The following PROM1 variants were observed in gnomAD, a reference collection of about 807,000 sequenced individuals.
The protein encoded by PROM1 is prominin 1.
PROM1 carries 105 observed loss-of-function variants against 116.9 expected under a neutral mutation model. The ratio of observed to expected loss-of-function variants is 0.90; its 90% confidence interval spans 0.77 to 1.06. PROM1 has a LOEUF of 1.06. Among genes scored for constraint, PROM1 ranks in the 50% least tolerant of loss-of-function variants. The probability of loss-of-function intolerance (pLI) is 0.00; values close to 1 mark genes in which losing one functional copy is unlikely to be tolerated. For missense variants in PROM1, 1,122 were observed against 1,045.2 expected (o/e 1.07, Z -1.01); for synonymous variants, 393 against 387.0 (o/e 1.02, Z -0.18).
chr4:16,044,142 G>A (rs149527146), intron 2 of PROM1, among the ~76,000 whole-genome samples: 6 of 152,296 alleles, frequency 3.9e-5, no homozygotes, highest in African/African-American at 1.2e-4. Flanking sequence ...TGTGCCTTGT[G>A]CAGGACCCAT....
rs200711388 is a variant in PROM1, at chr4:16,000,441, A to G, written c.1578+55T>C. ...TCTTAAAGTAATGCACAATATATGAAGAAATCCAAGTTTCTGTTCAAGTCC... is the reference window on the plus strand; with the variant it reads ...TCTTAAAGTAATGCACAATATATGAGGAAATCCAAGTTTCTGTTCAAGTCC... On this transcript the variant is annotated intron_variant, in intron 14 of 27. Transcript: ENST00000447510. 2,335 of 1,463,442 alleles carry G rather than the reference A, an allele frequency of 1.6e-3. 5 individuals are homozygous for G. The highest frequency in any genetic ancestry group is 2.1e-3 in the Non-Finnish European group (2,227 of 1,069,052). 90.7% of individuals were successfully genotyped at this position (1,463,442 alleles called of 1,614,324 possible). A position where few individuals can be genotyped will look rare whatever the true frequency, so the allele number is the denominator to read the frequency against.
chr4:16,076,215 G>A, intron 1 of PROM1, 97 bp from the exon 2 acceptor site: 1 of 302,790 alleles, frequency 3.3e-6, no homozygotes, highest in Non-Finnish European at 6.1e-6. Flanking sequence ...TTAGAGCAAG[G>A]CCTCCAGCCT....
At chr4:15,984,232 T>G (rs753014837) in intron 23 of PROM1, 31 bp downstream of exon 23, 2 of 1,479,064 alleles carry the variant, frequency 1.4e-6, no homozygotes, top group African/African-American at 1.4e-5. Context: ...GATGGATTCA[T>G]TGTGTCTTCT....
chr4:16,012,870 C>CAAAAAAAAA (rs71179681), intron 11 of PROM1, among the ~76,000 whole-genome samples: 1 of 84,262 alleles, frequency 1.2e-5, no homozygotes, highest in Non-Finnish European at 2.3e-5. Context: ...GACTCTGTCT[C>CAAAAAAAAA]AAAAAAAAAA....
chr4:16,042,387 T>C (rs562584276), intron 2 of PROM1, among the ~76,000 whole-genome samples: 1 of 152,310 alleles, frequency 6.6e-6, no homozygotes, highest in East Asian at 1.9e-4. Flanking sequence ...AAAAGATTCA[T>C]GCATCATGTC....
chr4:16,013,362 G>T lies in PROM1; in HGVS notation c.1078-24C>A, dbSNP rs1273164986. 5 of 1,543,900 alleles carry T rather than the reference G, an allele frequency of 3.2e-6. No individual in the cohort carries two copies. In the East Asian group the frequency reaches 1.1e-4, roughly 35 times the overall value. On this transcript the variant is annotated intron_variant, in intron 10 of 27. Coordinates refer to ENST00000447510, the MANE Select transcript of PROM1 (RefSeq NM_006017.3). ...CCCTGAAAAATATTTCAAAATAAAAGGATGTACACAGTTAAGTCAAAGACT... is the reference window on the plus strand; with the variant it reads ...CCCTGAAAAATATTTCAAAATAAAATGATGTACACAGTTAAGTCAAAGACT...
At chr4:15,993,098 T>C (rs1037199406) in intron 16 of PROM1, among the ~76,000 whole-genome samples, 1 of 152,204 alleles carries the variant, frequency 6.6e-6, no homozygotes, top group Non-Finnish European at 1.5e-5. Context: ...GTATGGACTA[T>C]TTAGGGAAGA....
Position 16,024,361 on chromosome 4 carries a change from GA to G in PROM1, c.631-4del, listed in dbSNP as rs1039930852. On this transcript the variant is annotated splice_polypyrimidine_tract_variant and splice_region_variant and intron_variant, in intron 6 of 27. Coordinates refer to ENST00000447510, the MANE Select transcript of PROM1 (RefSeq NM_006017.3). ...TGGGCCAATATATATTTGATTTGCT[GA>G]AAAAAGAACATTCTGTGAAACCTCC... The G allele has an allele frequency of 8.7e-6, 14 of 1,608,548 alleles. 1 individual carries two copies. The East Asian group carries it at 1.6e-4, about 18-fold the overall frequency.
At chr4:16,040,489 G>A (rs1734970348) in intron 2 of PROM1, among the ~76,000 whole-genome samples, 1 of 152,216 alleles carries the variant, frequency 6.6e-6, no homozygotes, top group African/African-American at 2.4e-5. Flanking sequence ...GAATGAAAGA[G>A]TCTACTGTTG....
At chr4:16,056,825 T>C (rs976816243) in intron 2 of PROM1, among the ~76,000 whole-genome samples, 15 of 152,218 alleles carry the variant, frequency 9.9e-5, no homozygotes, top group Admixed American at 9.2e-4. Flanking sequence ...TGCAAGCTGC[T>C]GCCCATTCTC....
chr4:15,994,096 G>A, intron 15 of PROM1, 25 bp from the exon 16 acceptor site: 1 of 1,613,182 alleles, frequency 6.2e-7, no homozygotes, highest in South Asian at 1.1e-5. Flanking sequence ...AGAGAAATTA[G>A]GACCTAGAAA....
At chr4:16,045,159 C>T (rs189201137) in intron 2 of PROM1, among the ~76,000 whole-genome samples, 8 of 152,226 alleles carry the variant, frequency 5.3e-5, no homozygotes, top group Non-Finnish European at 1.5e-5. Flanking sequence ...CCTCTTCCTC[C>T]TTGACCCACA....
Position 16,049,000 on chromosome 4 carries a change from T to C in PROM1, c.221-9999A>G, listed in dbSNP as rs1350549067. 2.6e-5 allele frequency among the ~76,000 whole-genome samples: 4 copies of C among 152,144 alleles called. No individual in the cohort carries two copies. The East Asian group carries it at 7.7e-4, about 29-fold the overall frequency. ...GAGCCTGATATCCTGACCATTGCAG[T>C]GCAGCCACCCTGATGATGGGGCGGC... is the stretch of plus-strand genomic sequence containing the variant. On this transcript the variant is annotated intron_variant, in intron 2 of 27. Coordinates refer to ENST00000447510, the MANE Select transcript of PROM1 (RefSeq NM_006017.3).
At chr4:15,988,128 G>A (rs1280488027) in intron 19 of PROM1, among the ~76,000 whole-genome samples, 6 of 152,092 alleles carry the variant, frequency 3.9e-5, no homozygotes, top group Admixed American at 2.0e-4. Flanking sequence ...CACCCGCCTC[G>A]GCCTCCCAAA....
chr4:16,018,126 G>A (rs757779346), intron 9 of PROM1, among the ~76,000 whole-genome samples, 197 bp downstream of exon 9: 8 of 152,054 alleles, frequency 5.3e-5, no homozygotes, highest in East Asian at 1.9e-4. Context: ...CTCATGAAGC[G>A]GTTCCCTTTT....
At chr4:15,987,092 C>T (rs1203853410) in intron 20 of PROM1, among the ~76,000 whole-genome samples, 1 of 152,182 alleles carries the variant, frequency 6.6e-6, no homozygotes, top group Non-Finnish European at 1.5e-5. Flanking sequence ...GTATACTTCC[C>T]CAGCCAGACG....
intron 6 of PROM1, 82 bp downstream of exon 6, chr4:16,025,110 G>T: frequency 1.4e-6 from 2 of 1,467,418 alleles, no homozygotes; most frequent in Non-Finnish European, 1.9e-6. Flanking sequence ...TAGAAGGTTT[G>T]ATTGAGATTC....
intron 10 of PROM1, among the ~76,000 whole-genome samples, chr4:16,014,577 C>CA (rs1311624869): frequency 6.6e-6 from 1 of 152,104 alleles, no homozygotes; most frequent in East Asian, 1.9e-4. Flanking sequence ...CTGAAGGTTG[C>CA]AAATATTTTT....
At chr4:16,025,396 T>A in intron 5 of PROM1, 84 bp from the exon 6 acceptor site, 1 of 1,531,826 alleles carries the variant, frequency 6.5e-7, no homozygotes, top group Non-Finnish European at 8.9e-7. Context: ...AGAGCAGGAG[T>A]CAGGGAGGAG....
Sources: gnomAD v4.1 joint callset for allele counts (sites outside exome capture counted in the v4.1 genomes callset) on GRCh38, gnomAD v4.1.1 for gene constraint, MANE v1.5 for transcripts, NCBI Gene and HGNC (gene_info 2026-07-23, HGNC 2026-07-21) for gene names.